The following ISX variants were observed in gnomAD, a reference collection of about 807,000 sequenced individuals.
ISX encodes intestine specific homeobox.
ISX carries 15 observed loss-of-function variants against 16.9 expected under a neutral mutation model. That is an observed-to-expected ratio of 0.89 (90% confidence interval 0.59 to 1.36). ISX has a LOEUF of 1.36. Ranked by LOEUF, ISX falls within the 40% of genes most tolerant of loss-of-function variation. The probability of loss-of-function intolerance (pLI) is 0.00; values close to 1 mark genes in which losing one functional copy is unlikely to be tolerated. For synonymous variants in ISX, 125 were observed against 119.7 expected (o/e 1.04, Z -0.29); for missense variants, 316 against 306.1 (o/e 1.03, Z -0.24).
intron 2 of ISX, among the ~76,000 whole-genome samples, chr22:35,078,547 C>T (rs1033043686): frequency 2.6e-5 from 4 of 152,144 alleles, no homozygotes. Flanking sequence ...ATGAGGCTCT[C>T]CTACAGAGGT....
chr22:35,067,026 A>G lies in ISX; in HGVS notation c.-62A>G, dbSNP rs1365824569. On this transcript the variant is annotated 5_prime_UTR_variant, in exon 2 of 5. Coordinates refer to ENST00000404699, the MANE Select transcript of ISX (RefSeq NM_001303508.2). ...TTGACCCCAGGAGGTTCAGGGGAGG[A>G]AGTACGCCACTCTCCACTGGCACCC... The G allele has an allele frequency of 3.8e-6, 5 of 1,306,594 alleles. No homozygotes were observed. The African/African-American group carries it at 7.3e-5, about 19-fold the overall frequency. 80.9% of individuals were successfully genotyped at this position (1,306,594 alleles called of 1,614,324 possible).
chr22:35,085,491 C>G lies in ISX; in HGVS notation c.536C>G (p.Ala179Gly). ...ACATCCACTGCTCTGCGCAGGCTGG[C>G]TCCTCCCACGAGCTGTTGTCCATCG... is the stretch of plus-strand genomic sequence containing the variant. ...TWTSTALRRLAPPTSCCPSAQ... is the reference protein window; with the variant it reads ...TWTSTALRRLGPPTSCCPSAQ... Residue 179 changes from alanine (A) to glycine (G), a missense_variant, in exon 5 of 5, where the codon GCT becomes GGT. Physicochemically the swap from Ala to Gly is moderately conservative, Grantham distance 60. Coordinates refer to ENST00000404699, the MANE Select transcript of ISX (RefSeq NM_001303508.2). 1 of 1,614,200 alleles carries G rather than the reference C, an allele frequency of 6.2e-7. No homozygotes were observed. The highest frequency in any genetic ancestry group is 8.5e-7 in the Non-Finnish European group (1 of 1,180,014).
chr22:35,079,643 G>A (rs899524420), intron 2 of ISX, among the ~76,000 whole-genome samples: 1 of 151,976 alleles, frequency 6.6e-6, no homozygotes, highest in African/African-American at 2.4e-5. Context: ...GAAGTACCTC[G>A]GTTCTTAATT....
At chr22:35,076,639 G>C (rs578210871) in intron 2 of ISX, among the ~76,000 whole-genome samples, 14 of 152,274 alleles carry the variant, frequency 9.2e-5, no homozygotes, top group African/African-American at 3.4e-4. Flanking sequence ...CAGCGGCAAA[G>C]TCCCCCGGGC....
rs926727665 is a variant in ISX at position 35,082,931 on chromosome 22, C to T, written c.381+262C>T. Among the ~76,000 whole-genome samples the T allele has an allele frequency of 4.6e-5, 7 of 152,300 alleles. 1 individual carries two copies. The South Asian group carries it at 6.2e-4, about 14-fold the overall frequency. On this transcript the variant is annotated intron_variant, in intron 3 of 4. Transcript: ENST00000404699. ...GGATCTGCTCCATACCCTTCCTCCC[C>T]GCTTGGCGACAGTTCCCAAACGTCG...
Position 35,086,678 on chromosome 22 carries a change from T to C in ISX, c.*985T>C, listed in dbSNP as rs1017555515. On this transcript the variant is annotated 3_prime_UTR_variant, in exon 5 of 5. Transcript: ENST00000404699. ...GCATTCAGGAGGCTCTGAGAGGACA[T>C]GAGAGTATTTTGCAAAGTGAGGGCA... 3 of 152,188 alleles carry C rather than the reference T, an allele frequency of 2.0e-5. No individual in the cohort carries two copies. Among genetic ancestry groups the C allele is most frequent in the African/African-American group, 7.2e-5 (3 of 41,450 alleles). The allele number at this position is 152,188 out of a possible 1,614,324, so 9.4% of individuals were successfully genotyped here.
At chr22:35,068,091 G>T (rs1389720166) in intron 2 of ISX, among the ~76,000 whole-genome samples, 3 of 152,222 alleles carry the variant, frequency 2.0e-5, no homozygotes, top group African/African-American at 4.8e-5. Flanking sequence ...AAAAGTCCCT[G>T]TCCACTGCAG....
At chr22:35,082,208 G>C (rs1192713125) in intron 2 of ISX, among the ~76,000 whole-genome samples, 1 of 152,266 alleles carries the variant, frequency 6.6e-6, no homozygotes, top group South Asian at 2.1e-4. Flanking sequence ...ATTTGGCCTG[G>C]TAGCCATAGT....
Position 35,066,884 on chromosome 22 carries a change from G to C in ISX, c.-204G>C, listed in dbSNP as rs1928712263. ...GGTAAGGGCTGAGCCGTGGGCACAG[G>C]ATACCACTCCTTCCAGCTCTTCTGC... On this transcript the variant is annotated 5_prime_UTR_variant, in exon 2 of 5. Transcript: ENST00000404699. 1 of 572,150 alleles carries C rather than the reference G, an allele frequency of 1.7e-6. No individual in the cohort carries two copies. Among genetic ancestry groups the C allele is most frequent in the African/African-American group, 1.9e-5 (1 of 53,374 alleles). 35.4% of individuals were successfully genotyped at this position (572,150 alleles called of 1,614,324 possible). A position where few individuals can be genotyped will look rare whatever the true frequency, so the allele number is the denominator to read the frequency against.
chr22:35,082,132 A>C (rs1006471633), intron 2 of ISX, among the ~76,000 whole-genome samples: 6 of 152,260 alleles, frequency 3.9e-5, no homozygotes, highest in African/African-American at 7.2e-5. Context: ...GTCAGAGACA[A>C]TACGTAAACC....
rs573770509 is a variant in ISX, at chr22:35,070,257, A to G, written c.229+2941A>G. ...GGACCCTCCCAGGTCTTAAAAGTCA[A>G]TGGGAAAATCCAAGAGGACTTCTTT... On this transcript the variant is annotated intron_variant, in intron 2 of 4. Coordinates refer to ENST00000404699, the MANE Select transcript of ISX (RefSeq NM_001303508.2). Among the ~76,000 whole-genome samples the G allele has an allele frequency of 1.4e-4, 21 of 152,286 alleles. No homozygotes were observed. In the East Asian group the frequency reaches 3.1e-3, roughly 22 times the overall value.
intron 2 of ISX, among the ~76,000 whole-genome samples, chr22:35,081,465 C>T (rs1929121991): frequency 6.6e-6 from 1 of 152,216 alleles, no homozygotes; most frequent in African/African-American, 2.4e-5. Flanking sequence ...ATGTTTGAAT[C>T]TCTGATTAGT....
Position 35,086,557 on chromosome 22 carries a change from C to T in ISX, c.*864C>T, listed in dbSNP as rs1027943792. On this transcript the variant is annotated 3_prime_UTR_variant, in exon 5 of 5. Transcript: ENST00000404699. Reference sequence around the variant, plus strand: ...AAAGCCTGAGCTTTCATTCAACTCCCTATTTCCATGCAAAGACGCTGGGCA... The same window carrying T: ...AAAGCCTGAGCTTTCATTCAACTCCTTATTTCCATGCAAAGACGCTGGGCA... 3.3e-5 allele frequency: 5 copies of T among 152,204 alleles called. No individual in the cohort carries two copies. The highest frequency in any genetic ancestry group is 1.2e-4 in the African/African-American group (5 of 41,438). 9.4% of individuals were successfully genotyped at this position (152,204 alleles called of 1,614,324 possible).
chr22:35,074,256 C>T (rs1460197074), intron 2 of ISX, among the ~76,000 whole-genome samples: 1 of 152,198 alleles, frequency 6.6e-6, no homozygotes, highest in East Asian at 1.9e-4. Context: ...CACCCATTGG[C>T]CGAGCTTGAG....
chr22:35,085,467 C>A lies in ISX; in HGVS notation c.512C>A (p.Thr171Lys), dbSNP rs754255223. 152 of 1,614,120 alleles carry A rather than the reference C, an allele frequency of 9.4e-5. No individual in the cohort carries two copies. Among genetic ancestry groups the A allele is most frequent in the Non-Finnish European group, 1.2e-4 (143 of 1,180,060 alleles). The change falls in exon 5 of 5, where the codon ACA becomes AAA. Residue 171 changes from threonine (T) to lysine (K), a missense_variant. Thr to Lys is a moderately conservative substitution (Grantham distance 78, BLOSUM62 -1). Coordinates refer to ENST00000404699, the MANE Select transcript of ISX (RefSeq NM_001303508.2). Reference sequence around the variant, plus strand: ...TCCTTGTGACAGGGGCCCACGTGGACATCCACTGCTCTGCGCAGGCTGGCT... The same window carrying A: ...TCCTTGTGACAGGGGCCCACGTGGAAATCCACTGCTCTGCGCAGGCTGGCT... ...TNLDVAGPTW[T>K]STALRRLAPP...
intron 2 of ISX, among the ~76,000 whole-genome samples, chr22:35,073,020 A>G (rs1409455178): frequency 2.0e-5 from 3 of 152,200 alleles, no homozygotes; most frequent in South Asian, 4.1e-4. Flanking sequence ...TCTTCCCTAT[A>G]TAGGGCCCTC....
chr22:35,085,603 T>A lies in ISX; in HGVS notation c.648T>A (p.Gly216=), dbSNP rs1473484879. 1 of 1,614,050 alleles carries A rather than the reference T, an allele frequency of 6.2e-7. No homozygotes were observed. The highest frequency in any genetic ancestry group is 8.5e-7 in the Non-Finnish European group (1 of 1,180,044). The part of the protein sequence containing the change: ...AHPWETQPVP[G]LPIHQTCIPV... ...CATGGGAAACACAGCCTGTCCCAGG[T>A]CTTCCCATCCATCAAACTTGCATCC... Residue 216 remains glycine, a synonymous_variant, in exon 5 of 5, where the codon GGT becomes GGA. Transcript: ENST00000404699.
chr22:35,068,004 G>A (rs1928749798), intron 2 of ISX, among the ~76,000 whole-genome samples: 1 of 152,218 alleles, frequency 6.6e-6, no homozygotes, highest in Non-Finnish European at 1.5e-5. Flanking sequence ...GCATTGGTGT[G>A]GACGCACACA....
rs1365570664 is a variant in ISX, at chr22:35,085,569, C to A, written c.614C>A (p.Pro205Gln). 1 of 1,614,248 alleles carries A rather than the reference C, an allele frequency of 6.2e-7. No individual in the cohort carries two copies. The highest frequency in any genetic ancestry group is 1.7e-5 in the Admixed American group (1 of 60,026). Residue 205 changes from proline to glutamine, a missense_variant, in exon 5 of 5, where the codon CCA becomes CAA. Transcript: ENST00000404699. ...TTCCCTGCCTGGATCACCCTCCTCC[C>A]AGCGCACCCATGGGAAACACAGCCT... ...AWFPAWITLL[P>Q]AHPWETQPVP...
Sources: gnomAD v4.1 joint callset for allele counts (sites outside exome capture counted in the v4.1 genomes callset) on GRCh38, gnomAD v4.1.1 for gene constraint, MANE v1.5 for transcripts, NCBI Gene and HGNC (gene_info 2026-07-23, HGNC 2026-07-21) for gene names.